The following ZNF287 variants were observed in gnomAD, a reference collection of about 807,000 sequenced individuals.
ZNF287 encodes zinc finger protein 287.
Under a neutral mutation model 73.7 loss-of-function variants are expected in ZNF287, and 31 were observed. That is an observed-to-expected ratio of 0.42 (90% confidence interval 0.32 to 0.57). ZNF287 has a LOEUF of 0.57. ZNF287 is among the 20% of genes least tolerant of loss of function. ZNF287 has a pLI of 0.13. For synonymous variants in ZNF287, 301 were observed against 307.2 expected, an observed-to-expected ratio of 0.98 and a Z score of 0.21; for missense variants, 641 against 909.3, an observed-to-expected ratio of 0.70 and a Z score of 3.79.
Position 16,551,525 on chromosome 17 carries a change from G to A in ZNF287, c.*331C>T. 4.3e-6 allele frequency: 1 copy of A among 230,222 alleles called. No homozygotes were observed. Among genetic ancestry groups the A allele is most frequent in the Admixed American group, 5.1e-5 (1 of 19,568 alleles). The allele number at this position is 230,222 out of a possible 1,614,324, so 14.3% of individuals were successfully genotyped here. A position where few individuals can be genotyped will look rare whatever the true frequency, so the allele number is the denominator to read the frequency against. On this transcript the variant is annotated 3_prime_UTR_variant, in exon 6 of 6. Transcript: ENST00000395825. The stretch of plus-strand genomic sequence containing the variant: ...AGTATGGGTAGATTTTCGTATACAT[G>A]GGTGGTCCTGGAACCAATCCCCCGA...
At position 16,567,885 on chromosome 17, in the gene ZNF287, G is replaced by A. The variant is rs559071896; in HGVS notation, c.-154C>T. ...AATCAAGGTAGAGTTAGCAGCCTTAGTGACAAATTCTGAGCCCAGAACTTG... is the reference window on the plus strand; with the variant it reads ...AATCAAGGTAGAGTTAGCAGCCTTAATGACAAATTCTGAGCCCAGAACTTG... On this transcript the variant is annotated 5_prime_UTR_variant, in exon 2 of 6. Coordinates refer to ENST00000395825, the MANE Select transcript of ZNF287 (RefSeq NM_020653.4). The A allele has an allele frequency of 9.7e-6, 14 of 1,436,182 alleles. No homozygotes were observed. The African/African-American group carries it at 1.6e-4, about 16-fold the overall frequency. 89.0% of individuals were successfully genotyped at this position (1,436,182 alleles called of 1,614,324 possible). A position where few individuals can be genotyped will look rare whatever the true frequency, so the allele number is the denominator to read the frequency against.
At chr17:16,568,016 G>T in intron 1 of ZNF287, 87 bp from the exon 2 acceptor site, 1 of 1,153,514 alleles carries the variant, frequency 8.7e-7, no homozygotes, top group African/African-American at 1.6e-5. Flanking sequence ...CTCGCAGTGT[G>T]CATAGATGAA....
chr17:16,567,400 G>A lies in ZNF287; in HGVS notation c.332C>T (p.Ser111Phe), dbSNP rs762706359. The change falls in exon 2 of 6, where the codon TCC becomes TTC. Residue 111 changes from serine (S) to phenylalanine (F), a missense_variant. By Grantham distance (155) the Ser-to-Phe change is radical. Coordinates refer to ENST00000395825, the MANE Select transcript of ZNF287 (RefSeq NM_020653.4). The part of the protein sequence containing the change: ...LPGEVRTWVK[S>F]QYPESSEEAV... ...TTCCTCGCTGCTCTCTGGATACTGGGACTTTACCCAAGTCCTAACCTCACC... is the reference window on the plus strand; with the variant it reads ...TTCCTCGCTGCTCTCTGGATACTGGAACTTTACCCAAGTCCTAACCTCACC... 6.2e-7 allele frequency: 1 copy of A among 1,614,126 alleles called. No homozygotes were observed. Among genetic ancestry groups the A allele is most frequent in the South Asian group, 1.1e-5 (1 of 91,082 alleles).
chr17:16,560,937 A>G (rs1169171210), intron 5 of ZNF287, among the ~76,000 whole-genome samples: 1 of 150,208 alleles, frequency 6.7e-6, no homozygotes, highest in Non-Finnish European at 1.5e-5. Flanking sequence ...TGGAAGGTGG[A>G]GCTTGTAGTG....
chr17:16,568,008 C>T, intron 1 of ZNF287, 79 bp from the exon 2 acceptor site: 5 of 1,218,542 alleles, frequency 4.1e-6, no homozygotes, highest in Middle Eastern at 3.2e-4. Context: ...GAAACAGACT[C>T]GCAGTGTGCA....
chr17:16,567,211 A>G, intron 2 of ZNF287, 118 bp downstream of exon 2: 1 of 1,381,856 alleles, frequency 7.2e-7, no homozygotes, highest in Non-Finnish European at 9.7e-7. Flanking sequence ...CTTTTTAAAA[A>G]ATGCATCCTG....
intron 5 of ZNF287, among the ~76,000 whole-genome samples, chr17:16,562,791 A>AAAG (rs776575198): frequency 2.0e-4 from 30 of 152,276 alleles, no homozygotes; most frequent in Admixed American, 3.3e-4. Context: ...AGAAACTCAA[A>AAAG]AAGAAGAAGG....
Position 16,566,628 on chromosome 17 carries a change from G to A in ZNF287, c.404-6C>T, listed in dbSNP as rs566781106. 171 of 1,606,614 alleles carry A rather than the reference G, an allele frequency of 1.1e-4. No homozygotes were observed. In the South Asian group the frequency reaches 1.8e-3, roughly 17 times the overall value. ...AAGGGTAGAGTTTTGAGGAGCTAGA[G>A]AAGAGAAAGAGGTCATGAGGGAGAT... On this transcript the variant is annotated splice_polypyrimidine_tract_variant and splice_region_variant and intron_variant, in intron 2 of 5. Transcript: ENST00000395825.
chr17:16,560,819 T>C (rs376627177), intron 5 of ZNF287, among the ~76,000 whole-genome samples: 8 of 147,246 alleles, frequency 5.4e-5, no homozygotes, highest in African/African-American at 1.3e-4. Context: ...TTGGTTAACA[T>C]GGTGAAACCC....
rs185379964 is a variant in ZNF287, at chr17:16,551,908, G to A, written c.2234C>T (p.Thr745Ile). The A allele has an allele frequency of 1.2e-6, 2 of 1,613,694 alleles. No homozygotes were observed. The highest frequency in any genetic ancestry group is 2.7e-5 in the African/African-American group (2 of 75,036). ...AACACGTTGATGCTGAATAAGGTTT[G>A]TACTCTGGGTGAAGGTTTTACCACA... ...RICGKTFTQS[T>I]NLIQHQRVHT... Residue 745 changes from threonine (T) to isoleucine (I), a missense_variant, in exon 6 of 6, where the codon ACA becomes ATA. Thr to Ile is a moderately conservative substitution (Grantham distance 89). This residue lies in a region of ZNF287 where 284 missense variants were observed against 466.8 expected (regional missense o/e 0.61). Transcript: ENST00000395825.
intron 5 of ZNF287, chr17:16,559,313 A>G (rs2142480318): frequency 6.6e-6 from 1 of 152,298 alleles, no homozygotes; most frequent in East Asian, 1.9e-4. Flanking sequence ...AGTGGTATAT[A>G]TTCTAAGGAC....
In ZNF287 at chr17:16,549,432, A is replaced by G. The variant is rs1906498385; in HGVS notation, c.*2424T>C. The stretch of plus-strand genomic sequence containing the variant: ...ACATGCCACATGCTCAACCAAGGGA[A>G]ATAAGTGCTGTGTGAGGGATGAAGC... On this transcript the variant is annotated 3_prime_UTR_variant, in exon 6 of 6. Coordinates refer to ENST00000395825, the MANE Select transcript of ZNF287 (RefSeq NM_020653.4). Among the ~76,000 whole-genome samples, 1 of 152,234 alleles carries G rather than the reference A, an allele frequency of 6.6e-6. No homozygotes were observed. The highest frequency in any genetic ancestry group is 2.4e-5 in the African/African-American group (1 of 41,458).
chr17:16,566,722 T>A (rs1907766056), intron 2 of ZNF287, 100 bp from the exon 3 acceptor site: 1 of 757,134 alleles, frequency 1.3e-6, no homozygotes, highest in African/African-American at 1.8e-5. Flanking sequence ...AATCGAGAAG[T>A]AAGAAGGAAA....
In ZNF287 at chr17:16,551,648, A is replaced by G. The variant is rs1597462065; in HGVS notation, c.*208T>C. ...TCTTTCTGTAATGAATTAAAATCAT[A>G]TCAAATTAAGGTTAAGAAGTCAAGT... On this transcript the variant is annotated 3_prime_UTR_variant, in exon 6 of 6. Coordinates refer to ENST00000395825, the MANE Select transcript of ZNF287 (RefSeq NM_020653.4). The G allele has an allele frequency of 6.0e-6, 3 of 504,016 alleles. No individual in the cohort carries two copies. The East Asian group carries it at 9.4e-5, about 16-fold the overall frequency. The allele number at this position is 504,016 out of a possible 1,614,324, so 31.2% of individuals were successfully genotyped here.
At chr17:16,568,035 A>C (rs1158510865) in intron 1 of ZNF287, 106 bp from the exon 2 acceptor site, 9 of 1,050,506 alleles carry the variant, frequency 8.6e-6, no homozygotes, top group African/African-American at 3.3e-5. Flanking sequence ...AACACACATA[A>C]GCTTTACCTT....
In ZNF287 at chr17:16,551,105, G is replaced by T. The variant is rs577890543; in HGVS notation, c.*751C>A. Among the ~76,000 whole-genome samples, 2 of 149,570 alleles carry T rather than the reference G, an allele frequency of 1.3e-5. No individual in the cohort carries two copies. Among genetic ancestry groups the T allele is most frequent in the African/African-American group, 2.5e-5 (1 of 40,712 alleles). On this transcript the variant is annotated 3_prime_UTR_variant, in exon 6 of 6. Transcript: ENST00000395825. ...AGAAATCTTTAAGATACTTCCAACT[G>T]TTTTTTTTTCAAACCTACTGGCTCC... is the stretch of plus-strand genomic sequence containing the variant.
Position 16,569,155 on chromosome 17 carries a change from C to T in ZNF287, c.-402G>A, listed in dbSNP as rs1047679370. ...CCAGCCCGGTCCTGAGAAGCCCGGCCCAGAAACCCCGGCGCCTCTGCTTAG... is the reference window on the plus strand; with the variant it reads ...CCAGCCCGGTCCTGAGAAGCCCGGCTCAGAAACCCCGGCGCCTCTGCTTAG... On this transcript the variant is annotated 5_prime_UTR_variant, in exon 1 of 6. Transcript: ENST00000395825. 1 of 152,454 alleles carries T rather than the reference C, an allele frequency of 6.6e-6. No homozygotes were observed. Among genetic ancestry groups the T allele is most frequent in the African/African-American group, 2.4e-5 (1 of 41,480 alleles). The allele number at this position is 152,454 out of a possible 1,614,324, so 9.4% of individuals were successfully genotyped here. A position where few individuals can be genotyped will look rare whatever the true frequency, so the allele number is the denominator to read the frequency against.
At position 16,552,893 on chromosome 17, in the gene ZNF287, T is replaced by G; in HGVS notation, c.1249A>C (p.Met417Leu). 6.2e-7 allele frequency: 1 copy of G among 1,614,166 alleles called. No individual in the cohort carries two copies. ...HISSLIAHQR[M>L]HTGEKPYECH... ...TCATATGGTTTTTCTCCAGTGTGCA[T>G]TCTCTGATGTGCAATAAGGGATGAG... Residue 417 changes from methionine to leucine, a missense_variant, in exon 6 of 6, where the codon ATG becomes CTG. Transcript: ENST00000395825. The surrounding 1 kb of genome is among the most constrained non-coding windows in gnomAD (Gnocchi z 6.5).
At position 16,553,194 on chromosome 17, in the gene ZNF287, T is replaced by A. The variant is rs146811177; in HGVS notation, c.948A>T (p.Ile316=). 3.1e-6 allele frequency: 5 copies of A among 1,599,950 alleles called. No homozygotes were observed. In the African/African-American group the frequency reaches 6.7e-5, roughly 21 times the overall value. ...PTEECLSKYD[I]YRNNFEKHSN... The stretch of plus-strand genomic sequence containing the variant: ...AATGCTTTTCAAAATTATTTCTATA[T>A]ATATCATATTTACTAAGACATTCTT... The change falls in exon 6 of 6, where the codon ATA becomes ATT. Residue 316 remains isoleucine, a synonymous_variant. Transcript: ENST00000395825.
Sources: allele counts gnomAD v4.1 joint callset (sites outside exome capture counted in the v4.1 genomes callset), GRCh38; gene constraint gnomAD v4.1.1; regional missense constraint gnomAD v4.1.1; non-coding constraint Gnocchi (gnomAD v3.1); transcripts MANE v1.5; gene names NCBI Gene and HGNC (gene_info 2026-07-23, HGNC 2026-07-21).